The following FGF10 variants were observed in gnomAD, a reference collection of about 807,000 sequenced individuals.
The protein encoded by FGF10 is FGF-10.
A neutral mutation model predicts 19.8 loss-of-function variants in FGF10; 2 were observed. The ratio of observed to expected loss-of-function variants is 0.10; its 90% CI spans 0.04 to 0.32. The LOEUF is 0.32. Ranked by LOEUF, FGF10 falls within the 10% of genes least tolerant of loss-of-function variation. The pLI is 1.00. For missense variants in FGF10, 191 were observed against 246.3 expected (o/e 0.78, Z 1.50); for synonymous variants, 112 against 94.0 (o/e 1.19, Z -1.10).
intron 1 of FGF10, among the ~76,000 whole-genome samples, chr5:44,356,416 T>TGG (rs903515873): frequency 6.6e-6 from 1 of 151,500 alleles, no homozygotes; most frequent in African/African-American, 2.4e-5. Context: ...GTTGTAAACA[T>TGG]GGTTTTTGGC....
At chr5:44,380,354 T>C (rs774640401) in intron 1 of FGF10, among the ~76,000 whole-genome samples, 3 of 152,218 alleles carry the variant, frequency 2.0e-5, no homozygotes, top group Non-Finnish European at 4.4e-5. Flanking sequence ...ATCTAATTCA[T>C]CAATCAGTGC....
chr5:44,326,618 A>T (rs1740621291), intron 1 of FGF10, among the ~76,000 whole-genome samples: 1 of 151,488 alleles, frequency 6.6e-6, no homozygotes, highest in Admixed American at 6.6e-5. Context: ...TATGTTGCCT[A>T]AGCTGTTCTC....
At chr5:44,368,969 A>C (rs935224234) in intron 1 of FGF10, among the ~76,000 whole-genome samples, 3 of 152,118 alleles carry the variant, frequency 2.0e-5, no homozygotes, top group African/African-American at 7.2e-5. Context: ...CTTCCAGCCC[A>C]TGTGGTCAAT....
chr5:44,360,199 G>A (rs1243680485), intron 1 of FGF10, among the ~76,000 whole-genome samples: 3 of 151,594 alleles, frequency 2.0e-5, no homozygotes, highest in Non-Finnish European at 4.4e-5. Context: ...TCATGCCACT[G>A]TAAAATGACA....
At position 44,303,596 on chromosome 5, in the gene FGF10, T is replaced by C. The variant is rs1294627876; in HGVS notation, c.*1399A>G. The C allele has an allele frequency of 6.6e-6, 1 of 152,178 alleles. No homozygotes were observed. Among genetic ancestry groups the C allele is most frequent in the Non-Finnish European group, 1.5e-5 (1 of 68,030 alleles). The allele number at this position is 152,178 out of a possible 1,614,324, so 9.4% of individuals were successfully genotyped here. ...AATGTGATGATGATTGGTAAACTCT[T>C]ATGTACTCTTTTCTATACCTGCTCT... On this transcript the variant is annotated 3_prime_UTR_variant, in exon 3 of 3. Transcript: ENST00000264664.
At chr5:44,331,314 T>C (rs1221125302) in intron 1 of FGF10, among the ~76,000 whole-genome samples, 7 of 152,148 alleles carry the variant, frequency 4.6e-5, no homozygotes, top group African/African-American at 1.2e-4. Flanking sequence ...TGCTTAACAA[T>C]TCAGTCTCTT....
chr5:44,382,528 G>C (rs149097103), intron 1 of FGF10, among the ~76,000 whole-genome samples: 1 of 152,066 alleles, frequency 6.6e-6, no homozygotes, highest in African/African-American at 2.4e-5. Context: ...GCTATTCTTT[G>C]TTGTACTGAC....
intron 1 of FGF10, among the ~76,000 whole-genome samples, chr5:44,381,992 A>G (rs1741995092): frequency 6.6e-6 from 1 of 152,218 alleles, no homozygotes; most frequent in Non-Finnish European, 1.5e-5. Flanking sequence ...CTTTGCAGGA[A>G]GCATGCCAAA....
At chr5:44,385,172 A>G (rs1742069844) in intron 1 of FGF10, among the ~76,000 whole-genome samples, 1 of 152,164 alleles carries the variant, frequency 6.6e-6, no homozygotes, top group Admixed American at 6.5e-5. Flanking sequence ...AAGCTTTCTC[A>G]GACTTCTAGC....
intron 1 of FGF10, among the ~76,000 whole-genome samples, chr5:44,367,302 T>C (rs1325458858): frequency 6.6e-6 from 1 of 152,074 alleles, no homozygotes; most frequent in African/African-American, 2.4e-5. Flanking sequence ...CATTTGTAGA[T>C]GGCAAGAAGA....
At chr5:44,342,628 A>G (rs2111793835) in intron 1 of FGF10, among the ~76,000 whole-genome samples, 1 of 151,996 alleles carries the variant, frequency 6.6e-6, no homozygotes, top group Non-Finnish European at 1.5e-5. Context: ...GTACCCTTAC[A>G]TAAAGGGAAT....
In FGF10 at chr5:44,376,509, A is replaced by AAC. The variant is rs1554039729; in HGVS notation, c.325+11848_325+11849insGT. Reference sequence around the variant, plus strand: ...AAATGCCAAAAAAAAAAAAAAAAAAAAAAAAAAACAAAAAACCCACAACTA... The same window carrying AAC: ...AAATGCCAAAAAAAAAAAAAAAAAAAACAAAAAAAACAAAAAACCCACAACTA... On this transcript the variant is annotated intron_variant, in intron 1 of 2. Coordinates refer to ENST00000264664, the MANE Select transcript of FGF10 (RefSeq NM_004465.2). 7.3e-4 allele frequency among the ~76,000 whole-genome samples: 103 copies of AAC among 141,856 alleles called. 1 individual carries two copies. The highest frequency in any genetic ancestry group is 2.6e-3 in the African/African-American group (100 of 37,922). 93.1% of individuals were successfully genotyped at this position (141,856 alleles called of 152,430 possible). A position where few individuals can be genotyped will look rare whatever the true frequency, so the allele number is the denominator to read the frequency against.
intron 1 of FGF10, among the ~76,000 whole-genome samples, chr5:44,350,849 G>A (rs558326309): frequency 3.4e-4 from 51 of 151,356 alleles, no homozygotes; most frequent in Non-Finnish European, 7.1e-4. Flanking sequence ...TTCTTTAAAA[G>A]AATGTGATTT....
rs192998165 is a variant in FGF10 at position 44,336,848 on chromosome 5, C to T, written c.326-26318G>A. On this transcript the variant is annotated intron_variant, in intron 1 of 2. Transcript: ENST00000264664. ...AGTCAGCAACTTTTCATCTTAGTTA[C>T]GTTCCATCTAAGGTGAAATCTAGAT... 3.2e-3 allele frequency among the ~76,000 whole-genome samples: 483 copies of T among 152,206 alleles called. 1 individual carries two copies. Among genetic ancestry groups the T allele is most frequent in the Non-Finnish European group, 5.0e-3 (340 of 68,008 alleles).
intron 1 of FGF10, among the ~76,000 whole-genome samples, chr5:44,368,218 A>G (rs1741663623): frequency 6.6e-6 from 1 of 152,242 alleles, no homozygotes; most frequent in South Asian, 2.1e-4. Flanking sequence ...TATTCTATCT[A>G]TAATCATAGT....
intron 1 of FGF10, among the ~76,000 whole-genome samples, chr5:44,369,424 C>G (rs1234991393): frequency 6.6e-6 from 1 of 151,996 alleles, no homozygotes; most frequent in African/African-American, 2.4e-5. Flanking sequence ...AGGTTCCCGC[C>G]AACACTCTTG....
intron 1 of FGF10, among the ~76,000 whole-genome samples, chr5:44,358,786 G>A (rs1293567227): frequency 6.6e-6 from 1 of 151,458 alleles, no homozygotes; most frequent in Non-Finnish European, 1.5e-5. Flanking sequence ...ACCATGTGGT[G>A]CATATTACCT....
chr5:44,350,430 G>A (rs1299504236), intron 1 of FGF10, among the ~76,000 whole-genome samples: 3 of 150,578 alleles, frequency 2.0e-5, no homozygotes, highest in Non-Finnish European at 4.5e-5. Flanking sequence ...CACCAAAATA[G>A]AACAACAGGT....
chr5:44,306,752 T>C (rs1304329820), intron 2 of FGF10, among the ~76,000 whole-genome samples: 1 of 152,206 alleles, frequency 6.6e-6, no homozygotes, highest in Non-Finnish European at 1.5e-5. Context: ...AATTTTTTAG[T>C]CTTAAATGCT....
Sources: allele counts gnomAD v4.1 joint callset (sites outside exome capture counted in the v4.1 genomes callset), GRCh38; gene constraint gnomAD v4.1.1; transcripts MANE v1.5; gene names NCBI Gene and HGNC (gene_info 2026-07-23, HGNC 2026-07-21).